The following IL36RN variants were observed in gnomAD, a reference collection of about 807,000 sequenced individuals.
IL36RN encodes interleukin 36 receptor antagonist.
Under a neutral mutation model 13.0 loss-of-function variants are expected in IL36RN, and 11 were observed. The ratio of observed to expected loss-of-function variants is 0.85; its 90% confidence interval spans 0.53 to 1.40. The LOEUF is 1.40. Among genes scored for constraint, IL36RN ranks in the 40% most tolerant of loss-of-function variants. IL36RN has a pLI of 0.00. For synonymous variants in IL36RN, 94 were observed against 84.1 expected (o/e 1.12, Z -0.64); for missense variants, 195 against 195.3 (o/e 1.00, Z 0.01).
intron 3 of IL36RN, among the ~76,000 whole-genome samples, chr2:113,061,573 A>T (rs1482873852): frequency 1.3e-5 from 1 of 77,506 alleles, no homozygotes; most frequent in Non-Finnish European, 2.3e-5. Context: ...TATATGTGTG[A>T]GCATGTGTGC....
upstream of IL36RN, chr2:113,059,187 C>T (rs1250605350): frequency 5.2e-6 from 3 of 572,652 alleles, no homozygotes; most frequent in Middle Eastern, 4.7e-4. Context: ...CTGAGGCATC[C>T]TTGGAGGAAC....
intron 4 of IL36RN, 89 bp downstream of exon 4, chr2:113,062,340 C>T (rs1685659222): frequency 6.2e-7 from 1 of 1,604,686 alleles, no homozygotes; most frequent in Admixed American, 1.7e-5. Flanking sequence ...TGCTGTGGGA[C>T]ACCCTAGCAG....
At chr2:113,060,416 G>T (rs1685617891) in intron 2 of IL36RN, among the ~76,000 whole-genome samples, 1 of 152,082 alleles carries the variant, frequency 6.6e-6, no homozygotes, top group Non-Finnish European at 1.5e-5. Flanking sequence ...AAGAATTGAA[G>T]AATCAGGCTT....
Position 113,062,464 on chromosome 2 carries a change from C to T in IL36RN, c.255C>T (p.Ile85=). 1 of 1,614,136 alleles carries T rather than the reference C, an allele frequency of 6.2e-7. No individual in the cohort carries two copies. The highest frequency in any genetic ancestry group is 8.5e-7 in the Non-Finnish European group (1 of 1,180,018). Residue 85 remains isoleucine, a synonymous_variant, in exon 5 of 5, where the codon ATC becomes ATT. Transcript: ENST00000393200. ...TCCTCTGCCGGCAGCCAGTGAACATCATGGAGCTCTATCTTGGTGCCAAGG... is the reference window on the plus strand; with the variant it reads ...TCCTCTGCCGGCAGCCAGTGAACATTATGGAGCTCTATCTTGGTGCCAAGG... The part of the protein sequence containing the change: ...EPTLTLEPVN[I]MELYLGAKES...
Position 113,062,463 on chromosome 2 carries a change from T to C in IL36RN, c.254T>C (p.Ile85Thr). The change falls in exon 5 of 5, where the codon ATC (isoleucine) becomes ACC (threonine). Residue 85 changes from isoleucine (I) to threonine (T), a missense_variant. By Grantham distance (89) the Ile-to-Thr change is moderately conservative. Transcript: ENST00000393200. ...EPTLTLEPVN[I>T]MELYLGAKES... ...CTCCTCTGCCGGCAGCCAGTGAACA[T>C]CATGGAGCTCTATCTTGGTGCCAAG... 1 of 1,614,026 alleles carries C rather than the reference T, an allele frequency of 6.2e-7. No individual in the cohort carries two copies. The highest frequency in any genetic ancestry group is 8.5e-7 in the Non-Finnish European group (1 of 1,179,990).
chr2:113,059,879 C>T (rs1188948682), intron 2 of IL36RN, among the ~76,000 whole-genome samples: 1 of 152,198 alleles, frequency 6.6e-6, no homozygotes, highest in Admixed American at 6.5e-5. Context: ...TACCATCAGT[C>T]AGTCTGTCCA....
Position 113,062,837 on chromosome 2 carries a change from A to G in IL36RN, c.*160A>G, listed in dbSNP as rs1179673620. On this transcript the variant is annotated 3_prime_UTR_variant, in exon 5 of 5. Coordinates refer to ENST00000393200, the MANE Select transcript of IL36RN (RefSeq NM_012275.3). ...GTCTTCTGGTTCCCAGTTTGGATAA[A>G]TTCTGAGATTTGGAGCTCAGTCCAC... 3.5e-5 allele frequency: 25 copies of G among 712,172 alleles called. No individual in the cohort carries two copies. In the East Asian group the frequency reaches 6.5e-4, roughly 18 times the overall value. The allele number at this position is 712,172 out of a possible 1,614,324, so 44.1% of individuals were successfully genotyped here. A position where few individuals can be genotyped will look rare whatever the true frequency, so the allele number is the denominator to read the frequency against.
At position 113,062,688 on chromosome 2, in the gene IL36RN, C is replaced by G. The variant is rs1685668574; in HGVS notation, c.*11C>G. The G allele has an allele frequency of 1.2e-6, 2 of 1,605,916 alleles. No individual in the cohort carries two copies. The highest frequency in any genetic ancestry group is 2.2e-5 in the East Asian group (1 of 44,832). ...CAGCAGTGTGACTAGGGCAACGTGC[C>G]CCCCAGAACTCCCTGGGCAGAGCCA... On this transcript the variant is annotated 3_prime_UTR_variant, in exon 5 of 5. Transcript: ENST00000393200.
chr2:113,062,056 A>G lies in IL36RN; in HGVS notation c.116-68A>G. On this transcript the variant is annotated intron_variant, in intron 3 of 4. Coordinates refer to ENST00000393200, the MANE Select transcript of IL36RN (RefSeq NM_012275.3). Reference sequence around the variant, plus strand: ...CCGTCTTACAGCAGTCCTGTGCCCTAGAGCCCAGGACAGGGGAAGAAGGAG... The same window carrying G: ...CCGTCTTACAGCAGTCCTGTGCCCTGGAGCCCAGGACAGGGGAAGAAGGAG... The G allele has an allele frequency of 3.8e-6, 6 of 1,583,890 alleles. No homozygotes were observed. In the South Asian group the frequency reaches 6.9e-5, roughly 18 times the overall value.
intron 2 of IL36RN, among the ~76,000 whole-genome samples, chr2:113,060,003 G>A (rs1685608688): frequency 6.6e-6 from 1 of 152,144 alleles, no homozygotes. Context: ...GTGTTCTATG[G>A]GACTCGATTA....
At position 113,062,137 on chromosome 2, in the gene IL36RN, C is replaced by A. The variant is rs746926429; in HGVS notation, c.129C>A (p.Ser43Arg). Residue 43 changes from serine to arginine, a missense_variant, in exon 4 of 5, where the codon AGC becomes AGA. Physicochemically the swap from Ser to Arg is moderately radical, Grantham distance 110. Transcript: ENST00000393200. ...AGKVIKGEEI[S>R]VVPNRWLDAS... The stretch of plus-strand genomic sequence containing the variant: ...TCTTTCCCACAGGTGAAGAGATCAG[C>A]GTGGTCCCCAATCGGTGGCTGGATG... The A allele has an allele frequency of 3.1e-6, 5 of 1,614,066 alleles. No homozygotes were observed. In the East Asian group the frequency reaches 8.9e-5, roughly 29 times the overall value.
At chr2:113,062,006 C>T in intron 3 of IL36RN, 118 bp from the exon 4 acceptor site, 1 of 1,396,882 alleles carries the variant, frequency 7.2e-7, no homozygotes, top group Non-Finnish European at 9.9e-7. Context: ...TGAGAAGCCT[C>T]CCTTCTGCCC....
In IL36RN at chr2:113,062,948, T is replaced by C; in HGVS notation, c.*271T>C. 1 of 474,828 alleles carries C rather than the reference T, an allele frequency of 2.1e-6. No homozygotes were observed. Among genetic ancestry groups the C allele is most frequent in the Non-Finnish European group, 3.9e-6 (1 of 258,568 alleles). The allele number at this position is 474,828 out of a possible 1,614,324, so 29.4% of individuals were successfully genotyped here. ...ACTGGGAATAACATGAAAAGATTTCTGTGGAGGTGGGGTGGGGGAGTGGTG... is the reference window on the plus strand; with the variant it reads ...ACTGGGAATAACATGAAAAGATTTCCGTGGAGGTGGGGTGGGGGAGTGGTG... On this transcript the variant is annotated 3_prime_UTR_variant, in exon 5 of 5. Coordinates refer to ENST00000393200, the MANE Select transcript of IL36RN (RefSeq NM_012275.3).
intron 4 of IL36RN, 70 bp downstream of exon 4, chr2:113,062,321 C>G (rs1685659028): frequency 6.2e-7 from 1 of 1,608,700 alleles, no homozygotes; most frequent in Admixed American, 1.7e-5. Context: ...GGGCAGCCCA[C>G]AGCCCTGGTG....
At chr2:113,062,363 G>A (rs910768228) in intron 4 of IL36RN, 90 bp from the exon 5 acceptor site, 2 of 1,605,370 alleles carry the variant, frequency 1.2e-6, no homozygotes, top group African/African-American at 1.3e-5. Flanking sequence ...TTCTGTTGAT[G>A]GCAGCTTTGC....
At chr2:113,061,274 A>G (rs569307065) in intron 3 of IL36RN, among the ~76,000 whole-genome samples, 1 of 152,332 alleles carries the variant, frequency 6.6e-6, no homozygotes, top group Admixed American at 6.5e-5. Context: ...TAGATTCTCT[A>G]TACCTTTTTT....
chr2:113,060,632 G>A (rs1685622907), intron 2 of IL36RN, among the ~76,000 whole-genome samples: 1 of 152,224 alleles, frequency 6.6e-6, no homozygotes, highest in African/African-American at 2.4e-5. Context: ...TGAATAGGGT[G>A]AAGGAGCAAA....
Position 113,062,478 on chromosome 2 carries a change from T to C in IL36RN, c.269T>C (p.Leu90Pro), listed in dbSNP as rs1315906226. 2 of 1,614,088 alleles carry C rather than the reference T, an allele frequency of 1.2e-6. No individual in the cohort carries two copies. The highest frequency in any genetic ancestry group is 1.7e-6 in the Non-Finnish European group (2 of 1,179,998). The change falls in exon 5 of 5, where the codon CTT (leucine) becomes CCT (proline). Residue 90 changes from leucine to proline, a missense_variant. Physicochemically the swap from Leu to Pro is moderately conservative, Grantham distance 98. Transcript: ENST00000393200. ...LEPVNIMELY[L>P]GAKESKSFTF... ...CCAGTGAACATCATGGAGCTCTATCTTGGTGCCAAGGAATCCAAGAGCTTC... is the reference window on the plus strand; with the variant it reads ...CCAGTGAACATCATGGAGCTCTATCCTGGTGCCAAGGAATCCAAGAGCTTC...
At position 113,063,743 on chromosome 2, in the gene IL36RN, T is replaced by G. The variant is rs912400192; in HGVS notation, c.*1066T>G. 1 of 152,192 alleles carries G rather than the reference T, an allele frequency of 6.6e-6. No homozygotes were observed. Among genetic ancestry groups the G allele is most frequent in the Non-Finnish European group, 1.5e-5 (1 of 68,032 alleles). The allele number at this position is 152,192 out of a possible 1,614,324, so 9.4% of individuals were successfully genotyped here. On this transcript the variant is annotated 3_prime_UTR_variant, in exon 5 of 5. Coordinates refer to ENST00000393200, the MANE Select transcript of IL36RN (RefSeq NM_012275.3). ...AGGAAACAGATCTCAGCAAAGCCAC[T>G]GAGGAGGAGGCTGTGCTGAGTTTGT...
Sources: allele counts gnomAD v4.1 joint callset (sites outside exome capture counted in the v4.1 genomes callset), GRCh38; gene constraint gnomAD v4.1.1; transcripts MANE v1.5; gene names NCBI Gene and HGNC (gene_info 2026-07-23, HGNC 2026-07-21).